Variants in CLMP observed in about 807,000 individuals in gnomAD.
The protein encoded by CLMP is CXADR like cell adhesion molecule, also known as CXADR-like membrane protein.
Under a neutral mutation model 45.2 loss-of-function variants are expected in CLMP, and 27 were observed. That is an observed-to-expected ratio of 0.60 (90% CI 0.44 to 0.82). The LOEUF (loss-of-function observed/expected upper bound fraction) is 0.82. CLMP is among the 40% of genes least tolerant of loss of function. CLMP has a pLI of 0.00. For synonymous variants in CLMP, 167 were observed against 171.4 expected (o/e 0.97, Z 0.20); for missense variants, 403 against 448.4 (o/e 0.90, Z 0.91).
At chr11:123,074,434 G>A (rs1043019007) in intron 6 of CLMP, among the ~76,000 whole-genome samples, 3 of 151,864 alleles carry the variant, frequency 2.0e-5, no homozygotes, top group South Asian at 2.1e-4. Flanking sequence ...CTCCCGCCTC[G>A]GCCTCCCAAA....
chr11:123,177,437 G>A (rs531393829), intron 1 of CLMP, among the ~76,000 whole-genome samples: 8 of 152,142 alleles, frequency 5.3e-5, no homozygotes, highest in Non-Finnish European at 7.4e-5. Flanking sequence ...GGACCAACAC[G>A]TTTGGGTTAC....
At chr11:123,152,445 C>A (rs1004641062) in intron 1 of CLMP, among the ~76,000 whole-genome samples, 1 of 151,912 alleles carries the variant, frequency 6.6e-6, no homozygotes, top group Non-Finnish European at 1.5e-5. Context: ...ATCACTTGAA[C>A]CCGGGAGGTA....
chr11:123,179,468 T>C (rs562249605), intron 1 of CLMP, among the ~76,000 whole-genome samples: 1 of 152,232 alleles, frequency 6.6e-6, no homozygotes, highest in South Asian at 2.1e-4. Flanking sequence ...ACACTCATTA[T>C]AACAAATACT....
intron 1 of CLMP, among the ~76,000 whole-genome samples, chr11:123,183,920 G>T (rs1861800987): frequency 6.6e-6 from 1 of 152,070 alleles, no homozygotes; most frequent in African/African-American, 2.4e-5. Flanking sequence ...GGAGCCAGAA[G>T]ACCTGGCTTC....
intron 1 of CLMP, among the ~76,000 whole-genome samples, chr11:123,187,153 G>A (rs190830033): frequency 6.6e-6 from 1 of 152,306 alleles, no homozygotes; most frequent in Admixed American, 6.5e-5. Flanking sequence ...GAAACCTAAG[G>A]TTGGGGAGGT....
At chr11:123,134,078 G>A (rs1412575854) in intron 1 of CLMP, among the ~76,000 whole-genome samples, 1 of 152,062 alleles carries the variant, frequency 6.6e-6, no homozygotes, top group African/African-American at 2.4e-5. Flanking sequence ...TGGCCAACAC[G>A]GTGAAACCCT....
chr11:123,179,785 C>T (rs1401115997), intron 1 of CLMP, among the ~76,000 whole-genome samples: 2 of 152,182 alleles, frequency 1.3e-5, no homozygotes, highest in African/African-American at 4.8e-5. Flanking sequence ...GAGCCAGGCC[C>T]CTTGGCTGGA....
Position 123,074,332 on chromosome 11 carries a change from G to T in CLMP, c.821+370C>A, listed in dbSNP as rs145576111. On this transcript the variant is annotated intron_variant, in intron 6 of 6. Transcript: ENST00000448775. ...TGGGACTACAGGCATGGGCTACCAT[G>T]CCTGGTTATTTATTTATTTATTTTT... 5.8e-3 allele frequency among the ~76,000 whole-genome samples: 879 copies of T among 151,950 alleles called. 6 individuals are homozygous for T. Among genetic ancestry groups the T allele is most frequent in the African/African-American group, 0.02 (819 of 41,450 alleles).
At chr11:123,186,218 G>C (rs1233106626) in intron 1 of CLMP, among the ~76,000 whole-genome samples, 1 of 152,180 alleles carries the variant, frequency 6.6e-6, no homozygotes, top group Admixed American at 6.5e-5. Flanking sequence ...GGTTGTTTAA[G>C]AATATAAGAA....
At chr11:123,130,841 C>CTTTTT (rs11322192) in intron 1 of CLMP, among the ~76,000 whole-genome samples, 1 of 126,282 alleles carries the variant, frequency 7.9e-6, no homozygotes, top group Admixed American at 8.4e-5. Flanking sequence ...TTTTCTTTTC[C>CTTTTT]TTTTTTTTTT....
rs1005163907 is a variant in CLMP at position 123,118,826 on chromosome 11, A to G, written c.29-20874T>C. ...TCAAATGGCTGCCTCACACTCACGT[A>G]CTCATTCATTCACTCATGTATTTAC... On this transcript the variant is annotated intron_variant, in intron 1 of 6. Transcript: ENST00000448775. 2.6e-5 allele frequency among the ~76,000 whole-genome samples: 4 copies of G among 151,790 alleles called. No homozygotes were observed. In the East Asian group the frequency reaches 7.8e-4, roughly 29 times the overall value.
chr11:123,158,547 A>G (rs1240118489), intron 1 of CLMP, among the ~76,000 whole-genome samples: 1 of 152,166 alleles, frequency 6.6e-6, no homozygotes, highest in African/African-American at 2.4e-5. Context: ...CCCCCTTTAA[A>G]AGGGCACTGC....
intron 5 of CLMP, among the ~76,000 whole-genome samples, chr11:123,075,479 C>T (rs1865727695): frequency 6.6e-6 from 1 of 151,570 alleles, no homozygotes; most frequent in Admixed American, 6.6e-5. Context: ...CTCCGCCTCC[C>T]GGATTCACGC....
intron 1 of CLMP, among the ~76,000 whole-genome samples, chr11:123,120,592 A>T (rs1373745928): frequency 6.6e-6 from 1 of 152,222 alleles, no homozygotes; most frequent in Non-Finnish European, 1.5e-5. Flanking sequence ...TGATTAAATG[A>T]TGATTATTAA....
At chr11:123,074,140 T>C (rs1463711564) in intron 6 of CLMP, among the ~76,000 whole-genome samples, 1 of 151,938 alleles carries the variant, frequency 6.6e-6, no homozygotes, top group African/African-American at 2.4e-5. Flanking sequence ...GTAATGTAAA[T>C]TGAACTGTTT....
At position 123,167,848 on chromosome 11, in the gene CLMP, T is replaced by C. The variant is rs117576130; in HGVS notation, c.28+27065A>G. Among the ~76,000 whole-genome samples the C allele has an allele frequency of 4.8e-3, 724 of 152,312 alleles. 4 individuals are homozygous for C. The highest frequency in any genetic ancestry group is 8.1e-3 in the Non-Finnish European group (550 of 68,016). On this transcript the variant is annotated intron_variant, in intron 1 of 6. Transcript: ENST00000448775. ...GGAAGCTCTTCCCTAGTTGGGAACATGCCTCCTTCCCTGTCCAGAAGGAAG... is the reference window on the plus strand; with the variant it reads ...GGAAGCTCTTCCCTAGTTGGGAACACGCCTCCTTCCCTGTCCAGAAGGAAG...
At chr11:123,140,512 G>T (rs901711189) in intron 1 of CLMP, among the ~76,000 whole-genome samples, 4 of 151,836 alleles carry the variant, frequency 2.6e-5, no homozygotes, top group Admixed American at 6.6e-5. Context: ...AATGTGGGGG[G>T]GTGTCCTGGT....
intron 1 of CLMP, among the ~76,000 whole-genome samples, chr11:123,168,895 C>A (rs919547016): frequency 2.0e-5 from 3 of 152,172 alleles, no homozygotes; most frequent in African/African-American, 7.2e-5. Context: ...GCAGCATCTA[C>A]TCCCGGCTTT....
chr11:123,091,024 C>T (rs550203417), intron 2 of CLMP, among the ~76,000 whole-genome samples: 98 of 152,230 alleles, frequency 6.4e-4, no homozygotes, highest in African/African-American at 2.3e-3. Flanking sequence ...TGCGAGGGTC[C>T]CAGTATCTTC....
Sources: allele counts gnomAD v4.1 joint callset (sites outside exome capture counted in the v4.1 genomes callset), GRCh38; gene constraint gnomAD v4.1.1; transcripts MANE v1.5; gene names NCBI Gene and HGNC (gene_info 2026-07-23, HGNC 2026-07-21).